Variants in PRTFDC1 observed in about 807,000 individuals in gnomAD.
PRTFDC1 encodes phosphoribosyl transferase domain containing 1.
PRTFDC1 carries 38 observed loss-of-function variants against 34.6 expected under a neutral mutation model. The observed-to-expected ratio is 1.10, with a 90% CI of 0.85 to 1.44. The LOEUF is 1.44. PRTFDC1 is among the 40% of genes most tolerant of loss of function. The pLI, the probability that PRTFDC1 is intolerant of heterozygous loss-of-function variation, is 0.00. For missense variants in PRTFDC1, 270 were observed against 283.0 expected (o/e 0.95, Z 0.33); for synonymous variants, 93 against 98.1 (o/e 0.95, Z 0.31).
At position 24,862,342 on chromosome 10, in the gene PRTFDC1, T is replaced by G. The variant is rs186223917; in HGVS notation, c.406-3933A>C. Among the ~76,000 whole-genome samples the G allele has an allele frequency of 2.7e-3, 416 of 152,160 alleles. 2 individuals carry two copies. The highest frequency in any genetic ancestry group is 4.4e-3 in the Non-Finnish European group (296 of 68,010). On this transcript the variant is annotated intron_variant, in intron 4 of 8. Transcript: ENST00000320152. ...TCCCTTCTCTTTTAATTTAGAACAG[T>G]CTCTTTTGCAGTATAGGCATACCTT...
Position 24,912,727 on chromosome 10 carries a change from T to C in PRTFDC1, c.339+24457A>G, listed in dbSNP as rs75802036. ...ATCCTTAACACCACTCATTCTCTTT[T>C]ACCTCATATCCAATCCTCGTGGCTG... On this transcript the variant is annotated intron_variant, in intron 3 of 8. Transcript: ENST00000320152. Among the ~76,000 whole-genome samples the C allele has an allele frequency of 8.9e-3, 1,358 of 152,250 alleles. 73 individuals carry two copies. The highest frequency in any genetic ancestry group is 0.076 in the Admixed American group (1,158 of 15,280).
At chr10:24,876,105 G>A (rs966389873) in intron 3 of PRTFDC1, among the ~76,000 whole-genome samples, 1 of 152,054 alleles carries the variant, frequency 6.6e-6, no homozygotes, top group African/African-American at 2.4e-5. Context: ...GAGGCTGAGG[G>A]TGGTGGCTCA....
chr10:24,891,773 A>T (rs941716874), intron 3 of PRTFDC1, among the ~76,000 whole-genome samples: 21 of 152,176 alleles, frequency 1.4e-4, no homozygotes. Context: ...TAACAACAAC[A>T]AAAAAGACAA....
chr10:24,937,140 A>G, intron 3 of PRTFDC1, 44 bp downstream of exon 3: 1 of 1,478,300 alleles, frequency 6.8e-7, no homozygotes, highest in Non-Finnish European at 9.2e-7. Context: ...ATCCTAAAGC[A>G]TTGTTAAATG....
chr10:24,933,647 G>T (rs1849002845), intron 3 of PRTFDC1, among the ~76,000 whole-genome samples: 1 of 151,418 alleles, frequency 6.6e-6, no homozygotes, highest in African/African-American at 2.4e-5. Flanking sequence ...CACATATGCT[G>T]GTGGGAATTC....
chr10:24,868,795 A>G (rs1362245407), intron 4 of PRTFDC1, among the ~76,000 whole-genome samples: 1 of 148,878 alleles, frequency 6.7e-6, no homozygotes, highest in East Asian at 2.0e-4. Flanking sequence ...TTCCTTTTAC[A>G]TTTTTTTTTT....
intron 3 of PRTFDC1, among the ~76,000 whole-genome samples, chr10:24,901,500 GAA>G (rs1848449158): frequency 6.6e-6 from 1 of 152,122 alleles, no homozygotes; most frequent in South Asian, 2.1e-4. Context: ...CAAAGCGAGA[GAA>G]TTGCTTGAGT....
intron 3 of PRTFDC1, among the ~76,000 whole-genome samples, chr10:24,889,728 A>G (rs76259199): frequency 0.021 from 3,156 of 152,326 alleles, 33 homozygotes; most frequent in South Asian, 0.037. Flanking sequence ...TGTTTCTAGA[A>G]CCACCTTCCA....
At chr10:24,871,959 A>C (rs1306976068) in intron 4 of PRTFDC1, 39 bp downstream of exon 4, 4 of 1,556,406 alleles carry the variant, frequency 2.6e-6, no homozygotes. Context: ...CGATGCCCCC[A>C]GACCTCAATG....
At chr10:24,935,752 G>A (rs150554187) in intron 3 of PRTFDC1, among the ~76,000 whole-genome samples, 25 of 152,328 alleles carry the variant, frequency 1.6e-4, no homozygotes, top group East Asian at 1.2e-3. Flanking sequence ...AGATTATTCC[G>A]TCAGACTTGA....
At chr10:24,911,668 C>A (rs911178709) in intron 3 of PRTFDC1, among the ~76,000 whole-genome samples, 18 of 151,726 alleles carry the variant, frequency 1.2e-4, no homozygotes, top group Non-Finnish European at 2.6e-4. Flanking sequence ...GAGACTGAGA[C>A]CATCCTGGCT....
chr10:24,922,814 T>C (rs935334300), intron 3 of PRTFDC1, among the ~76,000 whole-genome samples: 12 of 152,064 alleles, frequency 7.9e-5, no homozygotes, highest in African/African-American at 1.7e-4. Flanking sequence ...GTGCGGCCCA[T>C]AGGGGGCAAG....
chr10:24,929,445 A>G (rs1013624936), intron 3 of PRTFDC1, among the ~76,000 whole-genome samples: 4 of 152,178 alleles, frequency 2.6e-5, no homozygotes, highest in Non-Finnish European at 5.9e-5. Flanking sequence ...TTTAGCTCCA[A>G]AAAATCTCTT....
intron 3 of PRTFDC1, among the ~76,000 whole-genome samples, chr10:24,876,178 G>A (rs985694979): frequency 6.6e-6 from 1 of 151,956 alleles, no homozygotes; most frequent in Non-Finnish European, 1.5e-5. Context: ...CCAGGAGTTT[G>A]AGACCAGCCT....
At chr10:24,931,429 G>A (rs369426309) in intron 3 of PRTFDC1, among the ~76,000 whole-genome samples, 1 of 151,686 alleles carries the variant, frequency 6.6e-6, no homozygotes, top group South Asian at 2.1e-4. Flanking sequence ...AGAGAAAATC[G>A]AGAAAGCAAC....
At chr10:24,920,205 A>T (rs1430043240) in intron 3 of PRTFDC1, among the ~76,000 whole-genome samples, 1 of 152,164 alleles carries the variant, frequency 6.6e-6, no homozygotes, top group Admixed American at 6.5e-5. Flanking sequence ...TATTCACAAT[A>T]GCAAAGACAT....
intron 3 of PRTFDC1, among the ~76,000 whole-genome samples, chr10:24,915,019 C>A: frequency 6.6e-6 from 1 of 152,238 alleles, no homozygotes; most frequent in East Asian, 1.9e-4. Flanking sequence ...TGGGTGCAAT[C>A]GAACCCTAAA....
At chr10:24,945,248 A>G (rs1216209553) in intron 1 of PRTFDC1, among the ~76,000 whole-genome samples, 1 of 152,220 alleles carries the variant, frequency 6.6e-6, no homozygotes, top group Non-Finnish European at 1.5e-5. Context: ...AGTGCCCAGA[A>G]TGCTGATCTG....
chr10:24,937,158 A>G (rs767021200), intron 3 of PRTFDC1, 26 bp downstream of exon 3: 33 of 1,564,162 alleles, frequency 2.1e-5, no homozygotes, highest in South Asian at 5.8e-5. Flanking sequence ...ATGAAATGTC[A>G]TAAAGCGGAA....
Sources: gnomAD v4.1 joint callset for allele counts (sites outside exome capture counted in the v4.1 genomes callset) on GRCh38, gnomAD v4.1.1 for gene constraint, MANE v1.5 for transcripts, NCBI Gene and HGNC (gene_info 2026-07-23, HGNC 2026-07-21) for gene names.